HDAC9: variants seen among roughly 807,000 people sequenced by gnomAD.
HDAC9 encodes the protein MEF-2 interacting transcription repressor (MITR) protein.
In HDAC9, 41 loss-of-function variants were observed where a neutral mutation model predicts 139.4. The observed-to-expected ratio is 0.29, with a 90% CI of 0.23 to 0.38. HDAC9 has a LOEUF of 0.38. Ranked by LOEUF, HDAC9 falls within the 10% of genes least tolerant of loss-of-function variation. The pLI is 1.00. For synonymous variants in HDAC9, 517 were observed against 476.2 expected, an observed-to-expected ratio of 1.09 and a Z score of -1.12; for missense variants, 1,147 against 1,297.0, an observed-to-expected ratio of 0.88 and a Z score of 1.78.
intron 2 of HDAC9, among the ~76,000 whole-genome samples, chr7:18,522,676 T>G (rs1805466265): frequency 6.6e-6 from 1 of 151,902 alleles, no homozygotes; most frequent in Non-Finnish European, 1.5e-5. Context: ...TTTCTTGTCC[T>G]GTCTATTTTT....
intron 2 of HDAC9, among the ~76,000 whole-genome samples, chr7:18,255,194 A>C (rs1472157509): frequency 6.6e-6 from 1 of 152,228 alleles, no homozygotes; most frequent in African/African-American, 2.4e-5. Flanking sequence ...AAAAGCAGCC[A>C]TAACTTCCAG....
At chr7:18,833,308 A>T (rs1446377807) in intron 19 of HDAC9, among the ~76,000 whole-genome samples, 1 of 152,214 alleles carries the variant, frequency 6.6e-6, no homozygotes. Context: ...CTGAGAGAAC[A>T]TATCATTTTA....
chr7:18,195,793 T>A (rs1296034441), intron 2 of HDAC9, among the ~76,000 whole-genome samples: 1 of 152,194 alleles, frequency 6.6e-6, no homozygotes, highest in African/African-American at 2.4e-5. Flanking sequence ...TCTCATTCTT[T>A]ATACTCAATA....
At chr7:18,794,834 A>G (rs1256969889) in intron 17 of HDAC9, among the ~76,000 whole-genome samples, 2 of 152,336 alleles carry the variant, frequency 1.3e-5, no homozygotes, top group African/African-American at 4.8e-5. Context: ...CCAGGCCACA[A>G]TATTATAATT....
At chr7:18,390,197 G>A (rs974216754) in intron 1 of HDAC9, among the ~76,000 whole-genome samples, 1 of 152,030 alleles carries the variant, frequency 6.6e-6, no homozygotes, top group Non-Finnish European at 1.5e-5. Context: ...TTGTTAGGAA[G>A]AATATAGCTA....
At chr7:18,089,714 T>C (rs1782022068) in intron 1 of HDAC9, among the ~76,000 whole-genome samples, 1 of 152,198 alleles carries the variant, frequency 6.6e-6, no homozygotes, top group South Asian at 2.1e-4. Flanking sequence ...TTATAATTTG[T>C]ACACACTCAG....
chr7:18,684,918 A>G (rs953096548), intron 12 of HDAC9, among the ~76,000 whole-genome samples: 1 of 152,020 alleles, frequency 6.6e-6, no homozygotes, highest in African/African-American at 2.4e-5. Flanking sequence ...TTGATTTTAA[A>G]CATTTGAAAT....
chr7:18,882,167 C>A, intron 22 of HDAC9, among the ~76,000 whole-genome samples: 1 of 152,028 alleles, frequency 6.6e-6, no homozygotes, highest in East Asian at 1.9e-4. Flanking sequence ...CCACTATATT[C>A]GATGTTTCTT....
chr7:18,833,595 GT>G (rs1026591489), intron 19 of HDAC9, among the ~76,000 whole-genome samples: 6 of 152,116 alleles, frequency 3.9e-5, no homozygotes, highest in Admixed American at 2.0e-4. Flanking sequence ...CAGGAAAATA[GT>G]TTTTTTGTCT....
At chr7:18,435,444 G>A (rs932032880) in intron 1 of HDAC9, among the ~76,000 whole-genome samples, 1 of 152,006 alleles carries the variant, frequency 6.6e-6, no homozygotes, top group Non-Finnish European at 1.5e-5. Context: ...TATAGACTAT[G>A]GTAACTAGGG....
At chr7:18,267,446 T>A (rs1012127870) in intron 2 of HDAC9, among the ~76,000 whole-genome samples, 1 of 152,068 alleles carries the variant, frequency 6.6e-6, no homozygotes, top group Non-Finnish European at 1.5e-5. Context: ...CTCCCCAGTC[T>A]CTTCCCCACA....
At chr7:18,856,899 C>G (rs932656646) in intron 21 of HDAC9, among the ~76,000 whole-genome samples, 12 of 152,132 alleles carry the variant, frequency 7.9e-5, no homozygotes, top group African/African-American at 2.9e-4. Flanking sequence ...TCATTTGCCA[C>G]CTGAATGATC....
chr7:18,791,278 T>C (rs1439201446), intron 16 of HDAC9, among the ~76,000 whole-genome samples: 1 of 150,858 alleles, frequency 6.6e-6, no homozygotes, highest in Non-Finnish European at 1.5e-5. Flanking sequence ...AGTCACCGAA[T>C]ACATCTTTTG....
chr7:18,128,334 C>A (rs530810204), intron 1 of HDAC9, among the ~76,000 whole-genome samples: 27 of 151,984 alleles, frequency 1.8e-4, no homozygotes, highest in Non-Finnish European at 3.1e-4. Context: ...AATGTGGCTG[C>A]AATAAGAATG....
intron 22 of HDAC9, among the ~76,000 whole-genome samples, chr7:18,881,473 G>GT (rs927363526): frequency 5.3e-5 from 8 of 152,070 alleles, no homozygotes; most frequent in African/African-American, 1.9e-4. Context: ...TGTCCACAGA[G>GT]TTGAATATAG....
At chr7:18,135,509 G>C (rs1303924491) in intron 1 of HDAC9, among the ~76,000 whole-genome samples, 1 of 128,850 alleles carries the variant, frequency 7.8e-6, no homozygotes, top group Non-Finnish European at 1.6e-5. Flanking sequence ...GTGTCCATGT[G>C]ATCTCATTGT....
At chr7:18,549,113 C>CTGTAG (rs1375290133) in intron 2 of HDAC9, among the ~76,000 whole-genome samples, 1 of 152,122 alleles carries the variant, frequency 6.6e-6, no homozygotes, top group East Asian at 1.9e-4. Flanking sequence ...TGGTGCGTGC[C>CTGTAG]TGTAGTCCCA....
exon 1 of HDAC9, chr7:18,086,958 A>G (rs1183372251): frequency 1.4e-5 from 2 of 140,354 alleles, no homozygotes; most frequent in African/African-American, 2.6e-5. Flanking sequence ...CGCAGCGCGC[A>G]CCGAGCCGGC....
rs1458961698 is a variant in HDAC9, at chr7:18,899,247, G to A, written c.2803+24651G>A. The A allele has an allele frequency of 2.6e-5, 4 of 151,992 alleles. No homozygotes were observed. The East Asian group carries it at 7.7e-4, about 29-fold the overall frequency. The allele number at this position is 151,992 out of a possible 1,614,324, so 9.4% of individuals were successfully genotyped here. On this transcript the variant is annotated intron_variant, in intron 22 of 25. Coordinates refer to ENST00000686413, the MANE Select transcript of HDAC9 (RefSeq NM_178425.4). ...CAATAGAGGACACTTTTCTTGTAGT[G>A]CTTAGATTTGAAGTGAGCTCCTATG... is the stretch of plus-strand genomic sequence containing the variant.
Sources: allele counts gnomAD v4.1 joint callset (sites outside exome capture counted in the v4.1 genomes callset), GRCh38; gene constraint gnomAD v4.1.1; transcripts MANE v1.5; gene names NCBI Gene and HGNC (gene_info 2026-07-23, HGNC 2026-07-21).